Variants in CRTC1 observed in about 807,000 individuals in gnomAD.
CRTC1 encodes the protein CREB regulated transcription coactivator 1.
CRTC1 carries 18 observed loss-of-function variants against 66.1 expected under a neutral mutation model. The observed-to-expected ratio is 0.27, with a 90% CI of 0.19 to 0.40. The LOEUF (loss-of-function observed/expected upper bound fraction) is 0.40, where lower values mean the gene tolerates loss of function less well. CRTC1 is among the 10% of genes least tolerant of loss of function. The probability of loss-of-function intolerance (pLI) is 1.00; values close to 1 mark genes in which losing one functional copy is unlikely to be tolerated. For missense variants in CRTC1, 669 were observed against 887.9 expected, an observed-to-expected ratio of 0.75 and a Z score of 3.13; for synonymous variants, 416 against 398.8, an observed-to-expected ratio of 1.04 and a Z score of -0.51.
chr19:18,695,859 C>T (rs910979535), intron 1 of CRTC1, among the ~76,000 whole-genome samples: 11 of 152,014 alleles, frequency 7.2e-5, no homozygotes, highest in African/African-American at 1.9e-4. Context: ...AGTGAGACTT[C>T]ATCTCAAAAA....
chr19:18,710,524 C>T (rs1568489735), intron 1 of CRTC1, among the ~76,000 whole-genome samples: 1 of 152,234 alleles, frequency 6.6e-6, no homozygotes, highest in Non-Finnish European at 1.5e-5. Context: ...GAGCTGTTCC[C>T]TCCCATGGGG....
intron 1 of CRTC1, among the ~76,000 whole-genome samples, chr19:18,727,347 C>T (rs934044010): frequency 2.6e-5 from 4 of 151,680 alleles, no homozygotes; most frequent in Non-Finnish European, 5.9e-5. Context: ...TTTGGTAGGC[C>T]GAGGCAGGCA....
At position 18,741,681 on chromosome 19, in the gene CRTC1, G is replaced by A. The variant is rs981932405; in HGVS notation, c.127-1229G>A. On this transcript the variant is annotated intron_variant, in intron 1 of 13. Transcript: ENST00000321949. This position sits in a 1 kb window ranked among gnomAD's most constrained non-coding sequence, Gnocchi z 4.2. The stretch of plus-strand genomic sequence containing the variant: ...TTCATTGTGTATGTGTCTGGCCAGC[G>A]GCCACCAAGGGCTCCCAGCACAGAC... Among the ~76,000 whole-genome samples the A allele has an allele frequency of 4.6e-5, 7 of 152,216 alleles. No individual in the cohort carries two copies. The South Asian group carries it at 1.0e-3, about 23-fold the overall frequency.
intron 1 of CRTC1, among the ~76,000 whole-genome samples, chr19:18,698,950 C>T (rs1443778817): frequency 3.3e-5 from 5 of 151,890 alleles, no homozygotes; most frequent in African/African-American, 9.7e-5. Context: ...TCAGCAGGTG[C>T]ATAATGTGTA....
intron 11 of CRTC1, among the ~76,000 whole-genome samples, chr19:18,772,603 C>T (rs534934189): frequency 1.8e-4 from 28 of 152,304 alleles, no homozygotes; most frequent in African/African-American, 6.0e-4. Flanking sequence ...AAACCGTGAG[C>T]GCCACAGACA....
rs113094917 is a variant in CRTC1 at position 18,704,704 on chromosome 19, C to A, written c.126+20876C>A. Among the ~76,000 whole-genome samples the A allele has an allele frequency of 2.3e-3, 352 of 152,216 alleles. 1 individual carries two copies. Among genetic ancestry groups the A allele is most frequent in the African/African-American group, 8.0e-3 (331 of 41,542 alleles). ...TGCAGCCTGGGCAACAGAACAAGAC[C>A]CTGTCTCAAAAACAAACCAAAAACA... is the stretch of plus-strand genomic sequence containing the variant. On this transcript the variant is annotated intron_variant, in intron 1 of 13. Coordinates refer to ENST00000321949, the MANE Select transcript of CRTC1 (RefSeq NM_015321.3).
intron 1 of CRTC1, among the ~76,000 whole-genome samples, chr19:18,733,965 C>T (rs1380247460): frequency 2.0e-5 from 3 of 152,000 alleles, no homozygotes; most frequent in Non-Finnish European, 2.9e-5. Context: ...AAAAATTCGC[C>T]GGGCATGGTG....
rs1351838265 is a variant in CRTC1 at position 18,683,811 on chromosome 19, C to T, written c.109C>T (p.Leu37=). 2 of 1,322,248 alleles carry T rather than the reference C, an allele frequency of 1.5e-6. No homozygotes were observed. The highest frequency in any genetic ancestry group is 1.6e-5 in the African/African-American group (1 of 63,312). The allele number at this position is 1,322,248 out of a possible 1,614,324, so 81.9% of individuals were successfully genotyped here. Residue 37 remains leucine, a synonymous_variant, in exon 1 of 14, where the codon CTG becomes TTG. Coordinates refer to ENST00000321949, the MANE Select transcript of CRTC1 (RefSeq NM_015321.3). ...AFEEVMKDLS[L]TRAARLQLQK... The stretch of plus-strand genomic sequence containing the variant: ...CGAGGAGGTCATGAAGGACCTGAGC[C>T]TGACGCGGGCCGCGCGGGTAAGGGG...
At chr19:18,756,435 C>G (rs2054491006) in intron 6 of CRTC1, among the ~76,000 whole-genome samples, 1 of 151,464 alleles carries the variant, frequency 6.6e-6, no homozygotes. Context: ...TTGCTTGAGC[C>G]CAAGAGTTTG....
intron 1 of CRTC1, among the ~76,000 whole-genome samples, chr19:18,713,113 T>C (rs1358321136): frequency 6.6e-6 from 1 of 152,228 alleles, no homozygotes; most frequent in Non-Finnish European, 1.5e-5. Context: ...ATGTGGCGTT[T>C]TGTGTCTGGC....
intron 5 of CRTC1, among the ~76,000 whole-genome samples, chr19:18,751,118 C>A (rs924947807): frequency 6.6e-6 from 1 of 152,162 alleles, no homozygotes; most frequent in Non-Finnish European, 1.5e-5. Flanking sequence ...GGCCTGGCTG[C>A]CTCCTCGCAG....
chr19:18,779,868 G>A lies in CRTC1; in HGVS notation c.*2486G>A, dbSNP rs559612429. Reference sequence around the variant, plus strand: ...GCCAGGGACAGTGGGGCCCACGCGAGTACCCGGGGCCCAGCCAGGAGCCAG... The same window carrying A: ...GCCAGGGACAGTGGGGCCCACGCGAATACCCGGGGCCCAGCCAGGAGCCAG... On this transcript the variant is annotated 3_prime_UTR_variant, in exon 14 of 14. Coordinates refer to ENST00000321949, the MANE Select transcript of CRTC1 (RefSeq NM_015321.3). The A allele has an allele frequency of 8.7e-6, 2 of 228,800 alleles. No homozygotes were observed. The highest frequency in any genetic ancestry group is 1.8e-4 in the South Asian group (1 of 5,482). The allele number at this position is 228,800 out of a possible 1,614,324, so 14.2% of individuals were successfully genotyped here.
Position 18,780,263 on chromosome 19 carries a change from T to A in CRTC1, c.*2881T>A, listed in dbSNP as rs2055077932. 1 of 231,248 alleles carries A rather than the reference T, an allele frequency of 4.3e-6. No homozygotes were observed. Among genetic ancestry groups the A allele is most frequent in the Non-Finnish European group, 8.6e-6 (1 of 116,812 alleles). The allele number at this position is 231,248 out of a possible 1,614,324, so 14.3% of individuals were successfully genotyped here. Reference sequence around the variant, plus strand: ...ATGTGCTCATGGCTTCTGCAGACCCTCTGCTGGGTACATCGGTCCCCTACG... The same window carrying A: ...ATGTGCTCATGGCTTCTGCAGACCCACTGCTGGGTACATCGGTCCCCTACG... On this transcript the variant is annotated 3_prime_UTR_variant, in exon 14 of 14. Transcript: ENST00000321949.
At chr19:18,714,636 C>G (rs2053465864) in intron 1 of CRTC1, among the ~76,000 whole-genome samples, 1 of 152,238 alleles carries the variant, frequency 6.6e-6, no homozygotes, top group Non-Finnish European at 1.5e-5. Flanking sequence ...CAGACAAGGG[C>G]AGCTTCCCGT....
At chr19:18,690,019 G>A (rs1255077942) in intron 1 of CRTC1, among the ~76,000 whole-genome samples, 1 of 151,126 alleles carries the variant, frequency 6.6e-6, no homozygotes, top group Non-Finnish European at 1.5e-5. Flanking sequence ...GGGTGACAGA[G>A]CGGGTGGATT....
intron 2 of CRTC1, chr19:18,744,282 G>T: frequency 1.2e-6 from 1 of 826,592 alleles, no homozygotes; most frequent in South Asian, 1.8e-5. Context: ...CAGGGAGGTG[G>T]AGGTGTCCCG....
chr19:18,702,490 A>G (rs975074317), intron 1 of CRTC1, among the ~76,000 whole-genome samples: 9 of 151,702 alleles, frequency 5.9e-5, no homozygotes, highest in East Asian at 1.9e-4. Context: ...GGGCCTCCCA[A>G]AGTGCTGGCT....
intron 5 of CRTC1, among the ~76,000 whole-genome samples, 172 bp from the exon 6 acceptor site, chr19:18,753,328 A>T (rs1359895575): frequency 1.3e-5 from 2 of 151,988 alleles, no homozygotes; most frequent in Non-Finnish European, 2.9e-5. Flanking sequence ...GTTGTTTGTC[A>T]TGAAGCCCTT....
In CRTC1 at chr19:18,683,680, G is replaced by A. The variant is rs1243892049; in HGVS notation, c.-23G>A. The A allele has an allele frequency of 2.9e-6, 4 of 1,384,450 alleles. No homozygotes were observed. The highest frequency in any genetic ancestry group is 2.9e-6 in the Non-Finnish European group (3 of 1,043,304). 85.8% of individuals were successfully genotyped at this position (1,384,450 alleles called of 1,614,324 possible). A position where few individuals can be genotyped will look rare whatever the true frequency, so the allele number is the denominator to read the frequency against. On this transcript the variant is annotated 5_prime_UTR_variant, in exon 1 of 14. Transcript: ENST00000321949. Reference sequence around the variant, plus strand: ...CGAGGAGGTGGAGGAGGAGGAGGAGGAGGAGGAGGTGGCGGCGAGAAGATG... The same window carrying A: ...CGAGGAGGTGGAGGAGGAGGAGGAGAAGGAGGAGGTGGCGGCGAGAAGATG...
Sources: allele counts gnomAD v4.1 joint callset (sites outside exome capture counted in the v4.1 genomes callset), GRCh38; gene constraint gnomAD v4.1.1; non-coding constraint Gnocchi (gnomAD v3.1); transcripts MANE v1.5; gene names NCBI Gene and HGNC (gene_info 2026-07-23, HGNC 2026-07-21).